Variants in ITGAD observed in about 807,000 individuals in gnomAD.
ITGAD encodes the protein integrin subunit alpha D.
ITGAD carries 105 observed loss-of-function variants against 139.0 expected under a neutral mutation model. The observed-to-expected ratio is 0.76, with a 90% CI of 0.65 to 0.89. The LOEUF is 0.89. ITGAD is among the 40% of genes least tolerant of loss of function. The pLI, the probability that ITGAD is intolerant of heterozygous loss-of-function variation, is 0.00. For synonymous variants in ITGAD, 569 were observed against 598.3 expected (o/e 0.95, Z 0.71); for missense variants, 1,384 against 1,487.3 (o/e 0.93, Z 1.14).
Position 31,416,617 on chromosome 16 carries a change from CTGTCG to C in ITGAD, c.2471_2475del (p.Leu824ProfsTer21). 6.2e-7 allele frequency: 1 copy of C among 1,612,110 alleles called. No individual in the cohort carries two copies. The highest frequency in any genetic ancestry group is 1.1e-5 in the South Asian group (1 of 91,040). ...GGTCAGCCTCTACTATCCAGCAGGG[CTGTCG>C]CACCGACGGGTGTCAGGAGCCCAGG... On this transcript the variant is annotated frameshift_variant, in exon 20 of 30. Transcript: ENST00000389202. LOFTEE classifies it high-confidence loss of function.
intron 17 of ITGAD, 63 bp downstream of exon 17, chr16:31,414,668 C>T (rs2081836998): frequency 1.2e-6 from 2 of 1,601,418 alleles, no homozygotes; most frequent in Non-Finnish European, 1.7e-6. Flanking sequence ...CTGGAGCACC[C>T]CCGTTCTCTG....
chr16:31,412,966 C>T lies in ITGAD; in HGVS notation c.1836C>T (p.Leu612=), dbSNP rs1279542664. The change falls in exon 15 of 30, where the codon CTC becomes CTT. Residue 612 remains leucine, a splice_region_variant and synonymous_variant. Coordinates refer to ENST00000389202, the MANE Select transcript of ITGAD (RefSeq NM_005353.3). ...GGGCCCGGGGCCAGGTGCTCCTGCT[C>T]AGGTAGCGACTCCCCAACATCCTGC... ...AVGARGQVLL[L]RSLPVLKVGV... The T allele has an allele frequency of 1.2e-6, 2 of 1,604,210 alleles. No individual in the cohort carries two copies. Among genetic ancestry groups the T allele is most frequent in the Non-Finnish European group, 1.7e-6 (2 of 1,175,102 alleles).
intron 18 of ITGAD, 44 bp downstream of exon 18, chr16:31,415,035 T>A: frequency 1.2e-6 from 2 of 1,609,990 alleles, no homozygotes; most frequent in Non-Finnish European, 1.7e-6. Context: ...GACTTCATTT[T>A]GTCTCCATGA....
At chr16:31,420,427 T>G (rs1385536219) in intron 23 of ITGAD, among the ~76,000 whole-genome samples, 10 of 151,566 alleles carry the variant, frequency 6.6e-5, no homozygotes, top group Non-Finnish European at 1.3e-4. Context: ...AGACGGAATC[T>G]CACTCTTTCA....
Position 31,410,895 on chromosome 16 carries a change from GC to G in ITGAD, c.1356+19del, listed in dbSNP as rs775716034. 1.1e-5 allele frequency: 18 copies of G among 1,592,028 alleles called. No individual in the cohort carries two copies. The South Asian group carries it at 1.8e-4, about 16-fold the overall frequency. On this transcript the variant is annotated intron_variant, in intron 12 of 29. Coordinates refer to ENST00000389202, the MANE Select transcript of ITGAD (RefSeq NM_005353.3). ...GGGACGCAGGTTGGGCGTGACAGGA[GC>G]CAGAGGGGAGGATGAGGGTGGGGAG... is the stretch of plus-strand genomic sequence containing the variant.
chr16:31,411,071 T>C lies in ITGAD; in HGVS notation c.1357-5T>C, dbSNP rs753914815. ...AGGCAGCATGACCCAGGCTCTGCCCTCCAGATCGGCTCCTACTTCGGGGCC... is the reference window on the plus strand; with the variant it reads ...AGGCAGCATGACCCAGGCTCTGCCCCCCAGATCGGCTCCTACTTCGGGGCC... On this transcript the variant is annotated splice_region_variant and splice_polypyrimidine_tract_variant and intron_variant, in intron 12 of 29. Coordinates refer to ENST00000389202, the MANE Select transcript of ITGAD (RefSeq NM_005353.3). The C allele has an allele frequency of 8.7e-6, 14 of 1,611,964 alleles. No individual in the cohort carries two copies. In the South Asian group the frequency reaches 1.5e-4, roughly 18 times the overall value.
At chr16:31,394,143 A>AG (rs1286688793) in intron 1 of ITGAD, 93 bp from the exon 2 acceptor site, 1 of 718,200 alleles carries the variant, frequency 1.4e-6, no homozygotes, top group African/African-American at 1.9e-5. Context: ...AAAAAAAAAA[A>AG]AAAAAAAGAA....
At chr16:31,408,567 T>A in intron 10 of ITGAD, 69 bp downstream of exon 10, 1 of 1,402,142 alleles carries the variant, frequency 7.1e-7, no homozygotes, top group Non-Finnish European at 1.0e-6. Context: ...GGCTGGGGGC[T>A]GGGAGCCAGA....
At chr16:31,410,082 C>T (rs751344646) in intron 10 of ITGAD, among the ~76,000 whole-genome samples, 5 of 152,108 alleles carry the variant, frequency 3.3e-5, no homozygotes, top group East Asian at 1.9e-4. Flanking sequence ...TAGGTACCAC[C>T]GTAAGGGCCT....
intron 18 of ITGAD, 151 bp downstream of exon 18, chr16:31,415,142 G>A (rs2081852580): frequency 2.3e-6 from 2 of 862,540 alleles, no homozygotes; most frequent in Non-Finnish European, 3.6e-6. Flanking sequence ...AGGCCTGTGG[G>A]TTCTGTCTCC....
chr16:31,414,605 A>T lies in ITGAD; in HGVS notation c.2151A>T (p.Pro717=). The change falls in exon 17 of 30, where the codon CCA becomes CCT. Residue 717 remains proline, a splice_region_variant and synonymous_variant. Coordinates refer to ENST00000389202, the MANE Select transcript of ITGAD (RefSeq NM_005353.3). The part of the protein sequence containing the change: ...IHCETLKLLL[P]DCVEDVVSPI... ...GTGAAACCCTGAAGCTGCTTTTGCCAGTGAGGACTTTGGGTTCTGGGAAGG... is the reference window on the plus strand; with the variant it reads ...GTGAAACCCTGAAGCTGCTTTTGCCTGTGAGGACTTTGGGTTCTGGGAAGG... 1.2e-6 allele frequency: 2 copies of T among 1,614,018 alleles called. No homozygotes were observed. Among genetic ancestry groups the T allele is most frequent in the Non-Finnish European group, 1.7e-6 (2 of 1,179,908 alleles).
At chr16:31,416,342 C>T in intron 19 of ITGAD, 56 bp downstream of exon 19, 1 of 1,522,780 alleles carries the variant, frequency 6.6e-7, no homozygotes. Context: ...CCCCCATCCT[C>T]CTGGGATGCT....
At position 31,424,128 on chromosome 16, in the gene ITGAD, G is replaced by C. The variant is rs757133613; in HGVS notation, c.3186G>C (p.Val1062=). 6 of 1,614,194 alleles carry C rather than the reference G, an allele frequency of 3.7e-6. No homozygotes were observed. Among genetic ancestry groups the C allele is most frequent in the Non-Finnish European group, 5.1e-6 (6 of 1,180,026 alleles). ...RETLQKKVLV[V]SVAEITFDTS... is the part of the protein sequence containing the mutation. ...CATTGCAGAAGAAGGTGTTGGTCGT[G>C]AGTGTGGCTGAAATTACGTTCGACA... Residue 1062 remains valine (V), a synonymous_variant, in exon 28 of 30, where the codon GTG becomes GTC. Transcript: ENST00000389202.
chr16:31,410,776 C>T lies in ITGAD; in HGVS notation c.1254C>T (p.Asn418=). 1.2e-6 allele frequency: 2 copies of T among 1,613,582 alleles called. No individual in the cohort carries two copies. The highest frequency in any genetic ancestry group is 1.7e-6 in the Non-Finnish European group (2 of 1,179,876). Residue 418 remains asparagine (N), a synonymous_variant, in exon 12 of 30, where the codon AAC becomes AAT. Coordinates refer to ENST00000389202, the MANE Select transcript of ITGAD (RefSeq NM_005353.3). The part of the protein sequence containing the change: ...TELALWKGVQ[N]LVLGAPRYQH... The stretch of plus-strand genomic sequence containing the variant: ...TAGCCCTGTGGAAGGGGGTACAGAA[C>T]CTGGTCCTGGGGGCCCCCCGCTACC...
intron 17 of ITGAD, 39 bp from the exon 18 acceptor site, chr16:31,414,821 G>T: frequency 6.2e-7 from 1 of 1,608,820 alleles, no homozygotes; most frequent in South Asian, 1.1e-5. Flanking sequence ...GTGGAGCGTA[G>T]AGAGGACAGC....
In ITGAD at chr16:31,426,088, A is replaced by G; in HGVS notation, c.3446A>G (p.Asp1149Gly). ...KPEDTATFSGDDFSCVAPNVP... is the reference protein window; with the variant it reads ...KPEDTATFSGGDFSCVAPNVP... ...GAAGACACTGCCACATTCAGTGGGGACGATTTCAGCTGTGTGGCCCCAAAT... is the reference window on the plus strand; with the variant it reads ...GAAGACACTGCCACATTCAGTGGGGGCGATTTCAGCTGTGTGGCCCCAAAT... The change falls in exon 30 of 30, where the codon GAC (aspartate) becomes GGC (glycine). Residue 1149 changes from aspartate (D) to glycine (G), a missense_variant. Asp to Gly is a moderately conservative substitution (Grantham distance 94). Transcript: ENST00000389202. 1 of 1,613,822 alleles carries G rather than the reference A, an allele frequency of 6.2e-7. No homozygotes were observed. Among genetic ancestry groups the G allele is most frequent in the Non-Finnish European group, 8.5e-7 (1 of 1,179,706 alleles).
At position 31,402,284 on chromosome 16, in the gene ITGAD, G is replaced by A. The variant is rs1354540148; in HGVS notation, c.558+39G>A. The stretch of plus-strand genomic sequence containing the variant: ...ACCTGGGGCTGGGGTTTGGGGGACG[G>A]GGGAGGCTGGCCTCGGGGAGGCATC... On this transcript the variant is annotated intron_variant, in intron 6 of 29. Transcript: ENST00000389202. 11 of 1,515,944 alleles carry A rather than the reference G, an allele frequency of 7.3e-6. No individual in the cohort carries two copies. The African/African-American group carries it at 1.4e-4, about 19-fold the overall frequency. 93.9% of individuals were successfully genotyped at this position (1,515,944 alleles called of 1,614,324 possible).
chr16:31,408,254 G>A (rs2081590084), intron 9 of ITGAD, among the ~76,000 whole-genome samples, 171 bp from the exon 10 acceptor site: 1 of 152,180 alleles, frequency 6.6e-6, no homozygotes, highest in African/African-American at 2.4e-5. Context: ...TTACAGGCGT[G>A]AGCCACTGCG....
intron 23 of ITGAD, among the ~76,000 whole-genome samples, chr16:31,422,232 G>A (rs1049217586): frequency 2.0e-5 from 3 of 151,844 alleles, no homozygotes; most frequent in African/African-American, 2.4e-5. Flanking sequence ...GAGCCACCTC[G>A]CCTGGCCAGC....
Sources: allele counts gnomAD v4.1 joint callset (sites outside exome capture counted in the v4.1 genomes callset), GRCh38; gene constraint gnomAD v4.1.1; transcripts MANE v1.5; gene names NCBI Gene and HGNC (gene_info 2026-07-23, HGNC 2026-07-21).